MTAP: variants seen among roughly 807,000 people sequenced by gnomAD.
MTAP encodes methylthioadenosine phosphorylase.
In MTAP, 33 loss-of-function variants were observed where a neutral mutation model predicts 33.6. That is an observed-to-expected ratio of 0.98 (90% confidence interval 0.74 to 1.31). MTAP has a LOEUF of 1.31. Ranked by LOEUF, MTAP falls within the 40% of genes most tolerant of loss-of-function variation. The pLI, the probability that MTAP is intolerant of heterozygous loss-of-function variation, is 0.00. For missense variants in MTAP, 367 were observed against 360.0 expected, an observed-to-expected ratio of 1.02 and a Z score of -0.16; for synonymous variants, 148 against 125.7, an observed-to-expected ratio of 1.18 and a Z score of -1.19.
At position 21,862,224 on chromosome 9, in the gene MTAP, C is replaced by T. The variant is rs915374568; in HGVS notation, c.*210C>T. 3 of 1,232,996 alleles carry T rather than the reference C, an allele frequency of 2.4e-6. No homozygotes were observed. Among genetic ancestry groups the T allele is most frequent in the Admixed American group, 7.4e-5 (2 of 27,048 alleles). The allele number at this position is 1,232,996 out of a possible 1,614,324, so 76.4% of individuals were successfully genotyped here. On this transcript the variant is annotated 3_prime_UTR_variant, in exon 8 of 8. Transcript: ENST00000644715. ...CAAAATACAGAAGAAAAGCAAATGA[C>T]TAGTAAACATGTGGGAAAAAATATT... is the stretch of plus-strand genomic sequence containing the variant.
At chr9:21,819,651 T>G (rs913616365) in intron 4 of MTAP, among the ~76,000 whole-genome samples, 3 of 152,228 alleles carry the variant, frequency 2.0e-5, no homozygotes, top group Admixed American at 6.5e-5. Context: ...TTTGGGTATA[T>G]ACCCAGTAAT....
chr9:21,821,537 T>C (rs1014604798), intron 4 of MTAP, among the ~76,000 whole-genome samples: 2 of 152,242 alleles, frequency 1.3e-5, no homozygotes, highest in African/African-American at 4.8e-5. Flanking sequence ...CAGTATTTTA[T>C]TGAGGATTTT....
chr9:21,899,815 C>A (rs1818359708), intron 1 of MTAP, among the ~76,000 whole-genome samples: 1 of 152,120 alleles, frequency 6.6e-6, no homozygotes, highest in African/African-American at 2.4e-5. Context: ...CATATCAGTA[C>A]TGGTACAAAA....
At chr9:21,882,438 C>T (rs1291806857) in intron 1 of MTAP, among the ~76,000 whole-genome samples, 3 of 151,684 alleles carry the variant, frequency 2.0e-5, no homozygotes, top group Non-Finnish European at 2.9e-5. Context: ...TTTATTGATC[C>T]GAAGAGTTAA....
intron 4 of MTAP, among the ~76,000 whole-genome samples, chr9:21,836,447 C>T (rs1426006736): frequency 2.0e-5 from 3 of 152,054 alleles, no homozygotes; most frequent in Admixed American, 6.5e-5. Flanking sequence ...AGATGAAATG[C>T]GGGTGTTATG....
At chr9:21,891,212 T>C (rs1818196092) in intron 1 of MTAP, among the ~76,000 whole-genome samples, 1 of 151,748 alleles carries the variant, frequency 6.6e-6, no homozygotes, top group Non-Finnish European at 1.5e-5. Flanking sequence ...AGAAAAACAA[T>C]GGAAATTCAA....
In MTAP at chr9:21,862,230, A is replaced by AT; in HGVS notation, c.*216_*217insT. On this transcript the variant is annotated 3_prime_UTR_variant, in exon 8 of 8. Transcript: ENST00000644715. The stretch of plus-strand genomic sequence containing the variant: ...ACAGAAGAAAAGCAAATGACTAGTA[A>AT]ACATGTGGGAAAAAATATTACATTT... The AT allele has an allele frequency of 8.4e-7, 1 of 1,195,078 alleles. No homozygotes were observed. The highest frequency in any genetic ancestry group is 1.1e-6 in the Non-Finnish European group (1 of 928,730). The allele number at this position is 1,195,078 out of a possible 1,614,324, so 74.0% of individuals were successfully genotyped here. A position where few individuals can be genotyped will look rare whatever the true frequency, so the allele number is the denominator to read the frequency against.
intron 1 of MTAP, among the ~76,000 whole-genome samples, chr9:21,873,049 T>C (rs1587266545): frequency 6.6e-6 from 1 of 152,286 alleles, no homozygotes; most frequent in East Asian, 1.9e-4. Flanking sequence ...TTCTCTCCTC[T>C]TTTCCTAATT....
chr9:21,898,864 C>G (rs539443097), intron 1 of MTAP, among the ~76,000 whole-genome samples: 4 of 152,084 alleles, frequency 2.6e-5, no homozygotes, highest in Admixed American at 2.0e-4. Flanking sequence ...ACCATCTGAC[C>G]CAGCCATCCC....
intron 1 of MTAP, among the ~76,000 whole-genome samples, chr9:21,873,016 A>G (rs79450873): frequency 0.017 from 2,536 of 152,240 alleles, 71 homozygotes; most frequent in African/African-American, 0.056. Context: ...TGGTTCCTTG[A>G]TGTTACTAGA....
chr9:21,872,080 C>T (rs1156908739), downstream of MTAP, among the ~76,000 whole-genome samples: 2 of 152,136 alleles, frequency 1.3e-5, no homozygotes, highest in Non-Finnish European at 2.9e-5. Context: ...CTTTGGGAGG[C>T]TGAGGCTAGA....
At chr9:21,888,447 G>A (rs998568464) in intron 1 of MTAP, among the ~76,000 whole-genome samples, 1 of 152,018 alleles carries the variant, frequency 6.6e-6, no homozygotes, top group Admixed American at 6.6e-5. Flanking sequence ...CTGTGTTGTT[G>A]TCTATCTCAT....
chr9:21,878,774 C>T (rs1442853935), intron 1 of MTAP, among the ~76,000 whole-genome samples: 1 of 152,164 alleles, frequency 6.6e-6, no homozygotes, highest in East Asian at 1.9e-4. Context: ...TCATTAGTTT[C>T]AAGGAACTTC....
intron 1 of MTAP, chr9:21,929,654 G>GC (rs1818924290): frequency 3.5e-6 from 1 of 281,866 alleles, no homozygotes; most frequent in Non-Finnish European, 7.4e-6. Context: ...GATTGGACAA[G>GC]CATAGACATA....
chr9:21,901,375 T>C (rs893837526), intron 1 of MTAP, among the ~76,000 whole-genome samples: 1 of 152,198 alleles, frequency 6.6e-6, no homozygotes, highest in Non-Finnish European at 1.5e-5. Context: ...ACAAAAACAA[T>C]TTTAAGTTTA....
chr9:21,814,525 GTTAC>G (rs994604475), intron 1 of MTAP, among the ~76,000 whole-genome samples: 3 of 152,000 alleles, frequency 2.0e-5, no homozygotes, highest in Non-Finnish European at 4.4e-5. Flanking sequence ...CTAATGATTT[GTTAC>G]TTATTTTTAG....
intron 1 of MTAP, among the ~76,000 whole-genome samples, chr9:21,814,440 G>A (rs945057061): frequency 2.0e-5 from 3 of 152,088 alleles, no homozygotes; most frequent in Non-Finnish European, 2.9e-5. Context: ...AGGTCACTTC[G>A]CATTAATTAG....
intron 1 of MTAP, among the ~76,000 whole-genome samples, chr9:21,907,559 AAAC>A (rs1563866522): frequency 6.6e-6 from 1 of 152,240 alleles, no homozygotes. Context: ...CCTGTCTCAA[AAAC>A]AACAACAAAA....
chr9:21,814,899 C>G (rs1256772998), intron 1 of MTAP, among the ~76,000 whole-genome samples: 1 of 152,150 alleles, frequency 6.6e-6, no homozygotes, highest in Non-Finnish European at 1.5e-5. Flanking sequence ...TGCATTCTCT[C>G]CTAGCTCTGT....
Sources: allele counts gnomAD v4.1 joint callset (sites outside exome capture counted in the v4.1 genomes callset), GRCh38; gene constraint gnomAD v4.1.1; transcripts MANE v1.5; gene names NCBI Gene and HGNC (gene_info 2026-07-23, HGNC 2026-07-21).